The following TSHZ3 variants were observed in gnomAD, a reference collection of about 807,000 sequenced individuals.
TSHZ3 encodes teashirt homolog 3.
Under a neutral mutation model 64.5 loss-of-function variants are expected in TSHZ3, and 10 were observed. That is an observed-to-expected ratio of 0.16 (90% CI 0.10 to 0.26). The LOEUF is 0.26. Among genes scored for constraint, TSHZ3 ranks in the 10% least tolerant of loss-of-function variants. The pLI is 1.00. For synonymous variants in TSHZ3, 608 were observed against 593.1 expected (o/e 1.03, Z -0.36); for missense variants, 1,242 against 1,421.7 (o/e 0.87, Z 2.03).
Position 31,348,117 on chromosome 19 carries a change from A to T in TSHZ3, c.40+1063T>A, listed in dbSNP as rs2021568596. ...AGTGTTACTCATATCAAAATACATC[A>T]CGTCCATATGTGGTCCTCTCGGCAA... On this transcript the variant is annotated intron_variant, in intron 1 of 1. Transcript: ENST00000240587. 3.9e-5 allele frequency among the ~76,000 whole-genome samples: 6 copies of T among 152,222 alleles called. No homozygotes were observed. The South Asian group carries it at 1.2e-3, about 32-fold the overall frequency.
intron 4 of TSHZ3, among the ~76,000 whole-genome samples, chr19:31,210,301 G>A (rs1427455064): frequency 2.6e-5 from 4 of 152,048 alleles, no homozygotes; most frequent in Non-Finnish European, 4.4e-5. Flanking sequence ...GGCTCAAAAG[G>A]GCTTTGCACC....
At chr19:31,320,993 T>A (rs1916754814) in intron 1 of TSHZ3, among the ~76,000 whole-genome samples, 1 of 152,208 alleles carries the variant, frequency 6.6e-6, no homozygotes, top group African/African-American at 2.4e-5. Context: ...TCAAGATCCA[T>A]CGTCCACAGA....
In TSHZ3 at chr19:31,275,979, G is replaced by C. The variant is rs1361137589; in HGVS notation, c.*568C>G. 1 of 152,484 alleles carries C rather than the reference G, an allele frequency of 6.6e-6. No individual in the cohort carries two copies. Among genetic ancestry groups the C allele is most frequent in the Non-Finnish European group, 1.5e-5 (1 of 68,028 alleles). 9.4% of individuals were successfully genotyped at this position (152,484 alleles called of 1,614,324 possible). On this transcript the variant is annotated 3_prime_UTR_variant, in exon 2 of 2. Coordinates refer to ENST00000240587, the MANE Select transcript of TSHZ3 (RefSeq NM_020856.4). ...AATATATACATCTATGTTTCAATGTGAAAATAATATTCTTTTAAATTTCAA... is the reference window on the plus strand; with the variant it reads ...AATATATACATCTATGTTTCAATGTCAAAATAATATTCTTTTAAATTTCAA...
At chr19:31,264,463 C>A (rs1287576144) in intron 1 of TSHZ3, among the ~76,000 whole-genome samples, 1 of 152,214 alleles carries the variant, frequency 6.6e-6, no homozygotes, top group African/African-American at 2.4e-5. Flanking sequence ...AAATGAACTA[C>A]CTGCCCTCAA....
chr19:31,333,061 A>G (rs1259110009), intron 1 of TSHZ3, among the ~76,000 whole-genome samples: 1 of 151,932 alleles, frequency 6.6e-6, no homozygotes, highest in Non-Finnish European at 1.5e-5. Flanking sequence ...AGCCATGATC[A>G]TGCCACTGCA....
Position 31,337,718 on chromosome 19 carries a change from T to TAAACACACAC in TSHZ3, c.40+11452_40+11461dup, listed in dbSNP as rs1555740060. Among the ~76,000 whole-genome samples the TAAACACACAC allele has an allele frequency of 5.7e-3, 612 of 106,542 alleles. 1 individual carries two copies. Among genetic ancestry groups the TAAACACACAC allele is most frequent in the Middle Eastern group, 0.023 (5 of 222 alleles). The allele number at this position is 106,542 out of a possible 152,430, so 69.9% of individuals were successfully genotyped here. A position where few individuals can be genotyped will look rare whatever the true frequency, so the allele number is the denominator to read the frequency against. Reference sequence around the variant, plus strand: ...GGCTGCGAATAAAGTTATTTCAAAATAAACACACACACACACACACACACA... The same window carrying TAAACACACAC: ...GGCTGCGAATAAAGTTATTTCAAAATAAACACACACAAACACACACACACACACACACACA... On this transcript the variant is annotated intron_variant, in intron 1 of 1. Coordinates refer to ENST00000240587, the MANE Select transcript of TSHZ3 (RefSeq NM_020856.4).
exon 7 of TSHZ3, among the ~76,000 whole-genome samples, chr19:31,149,992 A>T (rs1974218305): frequency 6.6e-6 from 1 of 152,230 alleles, no homozygotes; most frequent in Admixed American, 6.5e-5. Context: ...ATAATATGTT[A>T]ATTATGTATT....
chr19:31,208,738 A>G (rs1164516447), intron 4 of TSHZ3, among the ~76,000 whole-genome samples: 4 of 152,170 alleles, frequency 2.6e-5, no homozygotes, highest in Non-Finnish European at 5.9e-5. Context: ...GGCTTTCCCA[A>G]TGCTGATTCC....
Position 31,278,958 on chromosome 19 carries a change from A to G in TSHZ3, c.835T>C (p.Tyr279His). The change falls in exon 2 of 2, where the codon TAC (tyrosine) becomes CAC (histidine). Residue 279 changes from tyrosine (Y) to histidine (H), a missense_variant. Tyr to His is a moderately conservative substitution (Grantham distance 83). This residue lies in a region of TSHZ3 where 555 missense variants were observed against 704.0 expected (regional missense o/e 0.79). Transcript: ENST00000240587. The surrounding 1 kb of genome is among the most constrained non-coding windows in gnomAD (Gnocchi z 4.7). Reference sequence around the variant, plus strand: ...AGGGACTCAAAGGAGTGGCCACAGTACATGCACTTCAGCACCTTCTGGGCG... The same window carrying G: ...AGGGACTCAAAGGAGTGGCCACAGTGCATGCACTTCAGCACCTTCTGGGCG... The part of the protein sequence containing the change: ...EDAQKVLKCM[Y>H]CGHSFESLQD... 1 of 1,614,162 alleles carries G rather than the reference A, an allele frequency of 6.2e-7. No individual in the cohort carries two copies. Among genetic ancestry groups the G allele is most frequent in the African/African-American group, 1.3e-5 (1 of 75,034 alleles).
intron 4 of TSHZ3, among the ~76,000 whole-genome samples, chr19:31,227,893 C>T (rs150020784): frequency 5.3e-5 from 8 of 152,170 alleles, no homozygotes; most frequent in Admixed American, 3.9e-4. Flanking sequence ...CCTTCTCTAG[C>T]GCCATCATGA....
chr19:31,217,808 C>A (rs894131655), intron 4 of TSHZ3, among the ~76,000 whole-genome samples: 1 of 152,222 alleles, frequency 6.6e-6, no homozygotes, highest in Admixed American at 6.5e-5. Context: ...CTGTGCTCTG[C>A]CTGTCATCCC....
At chr19:31,288,566 G>T (rs928429135) in intron 1 of TSHZ3, among the ~76,000 whole-genome samples, 2 of 152,052 alleles carry the variant, frequency 1.3e-5, no homozygotes, top group Admixed American at 6.6e-5. Context: ...AGGACCTGCC[G>T]ATTCTCTGCT....
chr19:31,195,266 A>G (rs965477368), intron 5 of TSHZ3, among the ~76,000 whole-genome samples: 3 of 152,106 alleles, frequency 2.0e-5, no homozygotes, highest in Non-Finnish European at 2.9e-5. Flanking sequence ...ATCAGGAAAA[A>G]TGTTAAAGAA....
intron 1 of TSHZ3, among the ~76,000 whole-genome samples, chr19:31,336,422 C>T (rs982194990): frequency 5.9e-5 from 9 of 152,082 alleles, no homozygotes; most frequent in Admixed American, 4.6e-4. Flanking sequence ...GAGACAGATT[C>T]GAAGTAGGAT....
At chr19:31,287,133 C>T (rs776884683) in intron 1 of TSHZ3, among the ~76,000 whole-genome samples, 104 of 151,946 alleles carry the variant, frequency 6.8e-4, no homozygotes, top group Non-Finnish European at 1.4e-3. Flanking sequence ...ACGGGGGCCA[C>T]GGATGGGCAA....
chr19:31,197,366 G>T (rs1456072738), intron 5 of TSHZ3, among the ~76,000 whole-genome samples: 1 of 150,056 alleles, frequency 6.7e-6, no homozygotes, highest in African/African-American at 2.4e-5. Flanking sequence ...AAAAAAGAAA[G>T]AACCAAAATT....
At chr19:31,340,355 A>C (rs1300079629) in intron 1 of TSHZ3, among the ~76,000 whole-genome samples, 1 of 149,636 alleles carries the variant, frequency 6.7e-6, no homozygotes, top group Non-Finnish European at 1.5e-5. Context: ...AAAAAAAAAA[A>C]AAAAAAAAAC....
chr19:31,159,548 A>T (rs1310686356), intron 5 of TSHZ3, among the ~76,000 whole-genome samples: 1 of 152,208 alleles, frequency 6.6e-6, no homozygotes, highest in Non-Finnish European at 1.5e-5. Context: ...GCTATAAGAA[A>T]ATGTAAAGTT....
intron 1 of TSHZ3, among the ~76,000 whole-genome samples, chr19:31,298,874 C>A (rs528087480): frequency 1.3e-5 from 2 of 152,122 alleles, no homozygotes; most frequent in Non-Finnish European, 2.9e-5. Context: ...GTGAAGAAAC[C>A]GAGAGAAGGT....
Sources: allele counts gnomAD v4.1 joint callset (sites outside exome capture counted in the v4.1 genomes callset), GRCh38; gene constraint gnomAD v4.1.1; regional missense constraint gnomAD v4.1.1; non-coding constraint Gnocchi (gnomAD v3.1); transcripts MANE v1.5; gene names NCBI Gene and HGNC (gene_info 2026-07-23, HGNC 2026-07-21).